The following RXFP1 variants were observed in gnomAD, a reference collection of about 807,000 sequenced individuals.
RXFP1 encodes relaxin family peptide receptor 1.
Under a neutral mutation model 89.8 loss-of-function variants are expected in RXFP1, and 73 were observed. That is an observed-to-expected ratio of 0.81 (90% CI 0.67 to 0.99). The LOEUF (loss-of-function observed/expected upper bound fraction) is 0.99. RXFP1 is among the 50% of genes least tolerant of loss of function. The pLI, the probability that RXFP1 is intolerant of heterozygous loss-of-function variation, is 0.00. For missense variants in RXFP1, 793 were observed against 895.5 expected (o/e 0.89, Z 1.46); for synonymous variants, 277 against 305.5 (o/e 0.91, Z 0.97).
At chr4:158,583,609 G>A (rs951594082) in intron 2 of RXFP1, among the ~76,000 whole-genome samples, 3 of 152,046 alleles carry the variant, frequency 2.0e-5, no homozygotes, top group South Asian at 2.1e-4. Context: ...AAATTTTCTG[G>A]TTTTCTATTT....
intron 2 of RXFP1, among the ~76,000 whole-genome samples, chr4:158,586,442 C>A (rs1366679697): frequency 1.3e-5 from 2 of 152,056 alleles, no homozygotes; most frequent in Non-Finnish European, 2.9e-5. Flanking sequence ...ATCCCCTAAC[C>A]CAATATTCTC....
In RXFP1 at chr4:158,652,236, T is replaced by C; in HGVS notation, c.*181T>C. The C allele has an allele frequency of 1.9e-6, 1 of 538,878 alleles. No homozygotes were observed. The highest frequency in any genetic ancestry group is 2.9e-5 in the South Asian group (1 of 35,086). The allele number at this position is 538,878 out of a possible 1,614,324, so 33.4% of individuals were successfully genotyped here. A position where few individuals can be genotyped will look rare whatever the true frequency, so the allele number is the denominator to read the frequency against. Reference sequence around the variant, plus strand: ...TTACAAAGGGAAGTAATTATATCAATAATGTATATATATTAGTAGACATTT... The same window carrying C: ...TTACAAAGGGAAGTAATTATATCAACAATGTATATATATTAGTAGACATTT... On this transcript the variant is annotated 3_prime_UTR_variant, in exon 18 of 18. Coordinates refer to ENST00000307765, the MANE Select transcript of RXFP1 (RefSeq NM_021634.4).
intron 1 of RXFP1, among the ~76,000 whole-genome samples, chr4:158,541,223 T>C (rs1244622043): frequency 6.6e-6 from 1 of 152,116 alleles, no homozygotes; most frequent in African/African-American, 2.4e-5. Context: ...TGGTTAAAGA[T>C]GGAAGAAAAA....
Position 158,612,292 on chromosome 4 carries a change from A to G in RXFP1, c.610A>G (p.Ile204Val). ...FEDLHRLEWL[I>V]IEDNHLSRIS... ...TAATTTTTTTCTTCTGGCTGTCAGG[A>G]TAATTGAAGATAATCACCTCAGTCG... The change falls in exon 8 of 18, where the codon ATA (isoleucine) becomes GTA (valine). Residue 204 changes from isoleucine (I) to valine (V), a missense_variant and splice_region_variant. Coordinates refer to ENST00000307765, the MANE Select transcript of RXFP1 (RefSeq NM_021634.4). The G allele has an allele frequency of 1.2e-6, 2 of 1,611,482 alleles. No homozygotes were observed. Among genetic ancestry groups the G allele is most frequent in the South Asian group, 2.2e-5 (2 of 90,430 alleles).
chr4:158,640,515 C>T (rs1770162908), intron 14 of RXFP1, among the ~76,000 whole-genome samples: 1 of 151,934 alleles, frequency 6.6e-6, no homozygotes, highest in African/African-American at 2.4e-5. Flanking sequence ...AGAGAGAAAG[C>T]CAGAGAGAGA....
At chr4:158,523,292 G>A (rs899760429) in intron 1 of RXFP1, among the ~76,000 whole-genome samples, 4 of 152,114 alleles carry the variant, frequency 2.6e-5, no homozygotes, top group African/African-American at 9.7e-5. Context: ...CCATTTCAAT[G>A]AAATGAATAG....
At chr4:158,542,631 C>G (rs1249085569) in intron 1 of RXFP1, among the ~76,000 whole-genome samples, 1 of 152,160 alleles carries the variant, frequency 6.6e-6, no homozygotes, top group Non-Finnish European at 1.5e-5. Context: ...AGTCTTCAAA[C>G]AAAAACATCA....
chr4:158,633,020 A>T (rs1768407147), intron 11 of RXFP1, among the ~76,000 whole-genome samples: 1 of 152,112 alleles, frequency 6.6e-6, no homozygotes. Flanking sequence ...AAATACAAAA[A>T]TTAGCCAGGC....
chr4:158,547,321 C>G (rs546947914), intron 1 of RXFP1, among the ~76,000 whole-genome samples: 3 of 152,142 alleles, frequency 2.0e-5, no homozygotes, highest in Non-Finnish European at 4.4e-5. Context: ...TTTATTGCAT[C>G]TATTTGATTC....
At chr4:158,637,137 T>C (rs1024943132) in intron 12 of RXFP1, among the ~76,000 whole-genome samples, 2 of 152,234 alleles carry the variant, frequency 1.3e-5, no homozygotes, top group African/African-American at 4.8e-5. Context: ...TTTTATCAAG[T>C]CATCCTTTGA....
intron 2 of RXFP1, among the ~76,000 whole-genome samples, chr4:158,592,765 C>G (rs1172183462): frequency 2.0e-5 from 3 of 152,024 alleles, no homozygotes; most frequent in Non-Finnish European, 4.4e-5. Flanking sequence ...CAAAATATTA[C>G]TTACTTCAGG....
intron 5 of RXFP1, among the ~76,000 whole-genome samples, chr4:158,606,517 C>T (rs1254788748): frequency 6.6e-6 from 1 of 152,134 alleles, no homozygotes; most frequent in African/African-American, 2.4e-5. Context: ...CAAACAAATG[C>T]ATGATAAATG....
intron 4 of RXFP1, among the ~76,000 whole-genome samples, chr4:158,600,263 A>G (rs1240836293): frequency 2.0e-5 from 3 of 152,206 alleles, no homozygotes; most frequent in Non-Finnish European, 4.4e-5. Context: ...ACCGTTTTCA[A>G]ACCAAACCAC....
intron 1 of RXFP1, among the ~76,000 whole-genome samples, chr4:158,567,895 C>T (rs1045497653): frequency 1.3e-5 from 2 of 152,204 alleles, no homozygotes; most frequent in Non-Finnish European, 2.9e-5. Context: ...GCTCGGGTCT[C>T]CTTCCAGCTT....
intron 2 of RXFP1, among the ~76,000 whole-genome samples, chr4:158,576,880 C>A (rs1243638608): frequency 6.6e-6 from 1 of 152,154 alleles, no homozygotes; most frequent in Admixed American, 6.5e-5. Context: ...TCTTTAGAGT[C>A]CAGGTGATGG....
intron 4 of RXFP1, among the ~76,000 whole-genome samples, chr4:158,604,416 T>C (rs1439143452): frequency 6.6e-6 from 1 of 152,212 alleles, no homozygotes; most frequent in African/African-American, 2.4e-5. Flanking sequence ...TTTCATTTAT[T>C]TTGCTTTTAC....
intron 1 of RXFP1, among the ~76,000 whole-genome samples, chr4:158,550,395 C>T (rs940411085): frequency 5.9e-5 from 9 of 152,270 alleles, no homozygotes; most frequent in Admixed American, 1.3e-4. Flanking sequence ...ACTCCTTGCA[C>T]TTCCCGTGTG....
In RXFP1 at chr4:158,577,034, T is replaced by A. The variant is rs898336998; in HGVS notation, c.187+4199T>A. Among the ~76,000 whole-genome samples, 4 of 151,918 alleles carry A rather than the reference T, an allele frequency of 2.6e-5. No homozygotes were observed. In the East Asian group the frequency reaches 7.7e-4, roughly 29 times the overall value. ...TCTTTTCTTCTTCTTCTTCTTCTTCTTCTTCTTTCTTCTTTTTCTCTTTTG... is the reference window on the plus strand; with the variant it reads ...TCTTTTCTTCTTCTTCTTCTTCTTCATCTTCTTTCTTCTTTTTCTCTTTTG... On this transcript the variant is annotated intron_variant, in intron 2 of 17. Coordinates refer to ENST00000307765, the MANE Select transcript of RXFP1 (RefSeq NM_021634.4).
rs757557258 is a variant in RXFP1, at chr4:158,593,086, C to CA, written c.188-302dup. ...TGGGCGACCAGGCGAGACTCTGTCTCAAAAAAAAAAAAACAAAAACAAACA... is the reference window on the plus strand; with the variant it reads ...TGGGCGACCAGGCGAGACTCTGTCTCAAAAAAAAAAAAAACAAAAACAAACA... On this transcript the variant is annotated intron_variant, in intron 2 of 17. Transcript: ENST00000307765. 7.7e-3 allele frequency among the ~76,000 whole-genome samples: 730 copies of CA among 94,500 alleles called. 2 individuals carry two copies. Among genetic ancestry groups the CA allele is most frequent in the Middle Eastern group, 0.023 (4 of 172 alleles). The allele number at this position is 94,500 out of a possible 152,430, so 62.0% of individuals were successfully genotyped here.
Sources: allele counts gnomAD v4.1 joint callset (sites outside exome capture counted in the v4.1 genomes callset), GRCh38; gene constraint gnomAD v4.1.1; transcripts MANE v1.5; gene names NCBI Gene and HGNC (gene_info 2026-07-23, HGNC 2026-07-21).